The following GIGYF2 variants were observed in gnomAD, a reference collection of about 807,000 sequenced individuals.
The protein encoded by GIGYF2 is GRB10 interacting GYF protein 2, also known as GRB10-interacting GYF protein 2.
In GIGYF2, 25 loss-of-function variants were observed where a neutral mutation model predicts 208.1. The observed-to-expected ratio is 0.12, with a 90% CI of 0.09 to 0.17. The LOEUF (loss-of-function observed/expected upper bound fraction) is 0.17, where lower values mean the gene tolerates loss of function less well. Ranked by LOEUF, GIGYF2 falls within the 10% of genes least tolerant of loss-of-function variation. The pLI is 1.00. For synonymous variants in GIGYF2, 534 were observed against 543.8 expected, an observed-to-expected ratio of 0.98 and a Z score of 0.25; for missense variants, 1,302 against 1,579.4, an observed-to-expected ratio of 0.82 and a Z score of 2.98.
chr2:232,782,607 C>G (rs1189003657), intron 8 of GIGYF2: 1 of 152,104 alleles, frequency 6.6e-6, no homozygotes, highest in African/African-American at 2.4e-5. Flanking sequence ...ACAGTGAGAT[C>G]CTGTACAGCC....
chr2:232,712,779 A>G (rs1696483469), intron 2 of GIGYF2, among the ~76,000 whole-genome samples: 1 of 152,232 alleles, frequency 6.6e-6, no homozygotes, highest in Non-Finnish European at 1.5e-5. Context: ...ACACGTTTCA[A>G]TGTTACATTT....
Position 232,857,075 on chromosome 2 carries a change from C to G in GIGYF2, c.*215C>G. On this transcript the variant is annotated 3_prime_UTR_variant, in exon 29 of 29. Transcript: ENST00000373563. ...CAGACTATAGATAAGTGGACTGGAC[C>G]CTGTGTCTTGGGGGTGGCAGTTGGG... is the stretch of plus-strand genomic sequence containing the variant. 1 of 595,186 alleles carries G rather than the reference C, an allele frequency of 1.7e-6. No homozygotes were observed. Among genetic ancestry groups the G allele is most frequent in the East Asian group, 2.9e-5 (1 of 34,580 alleles). 36.9% of individuals were successfully genotyped at this position (595,186 alleles called of 1,614,324 possible).
chr2:232,789,442 CTT>C (rs1559433264), intron 9 of GIGYF2, among the ~76,000 whole-genome samples: 1 of 152,166 alleles, frequency 6.6e-6, no homozygotes, highest in Non-Finnish European at 1.5e-5. Flanking sequence ...CATGAAGACT[CTT>C]TTCACATAAT....
Position 232,858,051 on chromosome 2 carries a change from G to A in GIGYF2, c.*1191G>A, listed in dbSNP as rs1189537676. 5.8e-6 allele frequency: 1 copy of A among 171,996 alleles called. No homozygotes were observed. Among genetic ancestry groups the A allele is most frequent in the Admixed American group, 6.1e-5 (1 of 16,326 alleles). 10.7% of individuals were successfully genotyped at this position (171,996 alleles called of 1,614,324 possible). A position where few individuals can be genotyped will look rare whatever the true frequency, so the allele number is the denominator to read the frequency against. ...AGCAGGAAGCCTGGCCTGGCTTCTG[G>A]TCATGGCCTCCTAAAACCTTAAACT... On this transcript the variant is annotated 3_prime_UTR_variant, in exon 29 of 29. Transcript: ENST00000373563.
At chr2:232,759,498 C>T (rs1424019027) in intron 6 of GIGYF2, among the ~76,000 whole-genome samples, 1 of 152,098 alleles carries the variant, frequency 6.6e-6, no homozygotes, top group South Asian at 2.1e-4. Context: ...GCCTTCTTGA[C>T]CCTAACGGTG....
intron 27 of GIGYF2, 81 bp downstream of exon 27, chr2:232,847,652 T>G: frequency 1.9e-6 from 3 of 1,561,840 alleles, no homozygotes; most frequent in Non-Finnish European, 2.6e-6. Context: ...TGAAAATTAA[T>G]ACAAAGGTAC....
chr2:232,842,402 T>C (rs776579580), intron 23 of GIGYF2, among the ~76,000 whole-genome samples: 1 of 152,208 alleles, frequency 6.6e-6, no homozygotes, highest in Non-Finnish European at 1.5e-5. Flanking sequence ...TGTGAGTCCT[T>C]ATTTTGTTCT....
intron 22 of GIGYF2, among the ~76,000 whole-genome samples, chr2:232,837,157 C>T (rs1427469103): frequency 6.6e-6 from 1 of 152,232 alleles, no homozygotes; most frequent in Non-Finnish European, 1.5e-5. Flanking sequence ...GCCTCCACAT[C>T]TGTTGCACTT....
intron 8 of GIGYF2, among the ~76,000 whole-genome samples, chr2:232,775,218 T>G (rs775403851): frequency 1.4e-4 from 21 of 152,134 alleles, no homozygotes; most frequent in Non-Finnish European, 2.6e-4. Flanking sequence ...TGGTTTAGTG[T>G]AGAGAACGCA....
intron 8 of GIGYF2, 187 bp downstream of exon 8, chr2:232,761,623 G>T: frequency 3.8e-6 from 2 of 524,650 alleles, no homozygotes; most frequent in Non-Finnish European, 6.9e-6. Flanking sequence ...TGGTCTGTGT[G>T]TTCTCTGCAA....
chr2:232,766,352 T>C lies in GIGYF2; in HGVS notation c.532+4916T>C, dbSNP rs34063802. 33,776 of 178,820 alleles carry C rather than the reference T, an allele frequency of 0.19. 3,556 individuals are homozygous for C. The highest frequency in any genetic ancestry group is 0.22 in the Non-Finnish European group (18,088 of 83,704). 11.1% of individuals were successfully genotyped at this position (178,820 alleles called of 1,614,324 possible). ...AAACTCATCTGACTTAAATGGAACCTTAGATCTCAGGTTTTACTCATTCAC... is the reference window on the plus strand; with the variant it reads ...AAACTCATCTGACTTAAATGGAACCCTAGATCTCAGGTTTTACTCATTCAC... On this transcript the variant is annotated intron_variant, in intron 8 of 28. Coordinates refer to ENST00000373563, the MANE Select transcript of GIGYF2 (RefSeq NM_001103146.3).
chr2:232,850,457 T>TA, intron 28 of GIGYF2, 48 bp downstream of exon 28: 1 of 1,535,296 alleles, frequency 6.5e-7, no homozygotes, highest in Non-Finnish European at 9.0e-7. Context: ...GTGCAGGTGA[T>TA]ACCAGTTATC....
chr2:232,779,557 C>G (rs998416849), intron 8 of GIGYF2, among the ~76,000 whole-genome samples: 1 of 152,160 alleles, frequency 6.6e-6, no homozygotes, highest in Non-Finnish European at 1.5e-5. Flanking sequence ...TTGAAGATGC[C>G]TAGTCTCTTT....
chr2:232,820,786 T>G (rs888606798), intron 21 of GIGYF2, among the ~76,000 whole-genome samples: 1 of 152,110 alleles, frequency 6.6e-6, no homozygotes, highest in Non-Finnish European at 1.5e-5. Flanking sequence ...TGTATGGATT[T>G]ATTTCTAGGC....
Position 232,707,538 on chromosome 2 carries a change from A to G in GIGYF2, c.-44+4049A>G, listed in dbSNP as rs530912698. 5.9e-5 allele frequency among the ~76,000 whole-genome samples: 9 copies of G among 152,168 alleles called. 1 individual carries two copies. The East Asian group carries it at 9.7e-4, about 16-fold the overall frequency. The stretch of plus-strand genomic sequence containing the variant: ...GACCAGATGTCTTCAGTGTAACTGG[A>G]TTAGCAGCCGTCCTGCAAGATCAGT... On this transcript the variant is annotated intron_variant, in intron 2 of 28. Transcript: ENST00000373563.
rs200885867 is a variant in GIGYF2 at position 232,806,594 on chromosome 2, C to T, written c.1743C>T (p.Gly581=). 4.0e-5 allele frequency: 65 copies of T among 1,611,926 alleles called. No individual in the cohort carries two copies. The East Asian group carries it at 7.4e-4, about 18-fold the overall frequency. The change falls in exon 15 of 29, where the codon GGC becomes GGT. Residue 581 remains glycine (G), a synonymous_variant. Transcript: ENST00000373563. This position sits in a 1 kb window ranked among gnomAD's most constrained non-coding sequence, Gnocchi z 4.0. Reference sequence around the variant, plus strand: ...GTGATGAAAGCTTCCAACCTCTTGGCGATATCATGAAAATGTGGGGAAGGG... The same window carrying T: ...GTGATGAAAGCTTCCAACCTCTTGGTGATATCATGAAAATGTGGGGAAGGG... ...RACDESFQPL[G]DIMKMWGRVP...
intron 18 of GIGYF2, among the ~76,000 whole-genome samples, chr2:232,814,672 A>G (rs1700857461): frequency 6.6e-6 from 1 of 150,494 alleles, no homozygotes; most frequent in African/African-American, 2.4e-5. Context: ...CTCATTATGT[A>G]TATGCAAATA....
At chr2:232,851,413 A>ATTTTTTTTTTTTTTTTTTTTTTT (rs5839451) in intron 28 of GIGYF2, among the ~76,000 whole-genome samples, 1 of 149,088 alleles carries the variant, frequency 6.7e-6, no homozygotes, top group Non-Finnish European at 1.5e-5. Flanking sequence ...TGAAACTAAC[A>ATTTTTTTTTTTTTTTTTTTTTTT]TTTTTTTTTT....
chr2:232,797,311 A>G lies in GIGYF2; in HGVS notation c.1639+1090A>G, dbSNP rs111876596. 5.8e-3 allele frequency among the ~76,000 whole-genome samples: 875 copies of G among 152,150 alleles called. 3 individuals are homozygous for G. The highest frequency in any genetic ancestry group is 0.02 in the African/African-American group (834 of 41,516). Reference sequence around the variant, plus strand: ...TGGTTGGTCACTTCATATTAGTGTAATTTTAGTGATAGCATTTTACTGTGT... The same window carrying G: ...TGGTTGGTCACTTCATATTAGTGTAGTTTTAGTGATAGCATTTTACTGTGT... On this transcript the variant is annotated intron_variant, in intron 14 of 28. Coordinates refer to ENST00000373563, the MANE Select transcript of GIGYF2 (RefSeq NM_001103146.3).
Sources: allele counts gnomAD v4.1 joint callset (sites outside exome capture counted in the v4.1 genomes callset), GRCh38; gene constraint gnomAD v4.1.1; non-coding constraint Gnocchi (gnomAD v3.1); transcripts MANE v1.5; gene names NCBI Gene and HGNC (gene_info 2026-07-23, HGNC 2026-07-21).